METTL21C: variants seen among roughly 807,000 people sequenced by gnomAD.
METTL21C encodes the protein protein-lysine methyltransferase METTL21C.
In METTL21C, 21 loss-of-function variants were observed where a neutral mutation model predicts 25.9. The ratio of observed to expected loss-of-function variants is 0.81; its 90% CI spans 0.58 to 1.17. The LOEUF is 1.17. Ranked by LOEUF, METTL21C falls within the 50% of genes most tolerant of loss-of-function variation. The pLI is 0.00. For missense variants in METTL21C, 312 were observed against 315.1 expected (o/e 0.99, Z 0.07); for synonymous variants, 125 against 124.7 (o/e 1.00, Z -0.01).
intron 2 of METTL21C, among the ~76,000 whole-genome samples, chr13:102,689,564 G>A (rs968144992): frequency 3.2e-4 from 49 of 152,294 alleles, no homozygotes; most frequent in East Asian, 5.8e-4. Flanking sequence ...GCATCACCCC[G>A]GAATGTGTAA....
chr13:102,691,991 A>G (rs959070374), intron 1 of METTL21C, among the ~76,000 whole-genome samples: 3 of 152,152 alleles, frequency 2.0e-5, no homozygotes, highest in Non-Finnish European at 4.4e-5. Context: ...AAGGAGCAGG[A>G]GCAGAGGAAA....
intron 2 of METTL21C, among the ~76,000 whole-genome samples, chr13:102,689,229 T>C (rs1411407587): frequency 2.0e-5 from 3 of 152,304 alleles, no homozygotes; most frequent in South Asian, 4.1e-4. Flanking sequence ...ATGCCCGGCC[T>C]CTGATCTCTT....
upstream of METTL21C, among the ~76,000 whole-genome samples, chr13:102,699,912 G>A (rs1031855747): frequency 6.6e-6 from 1 of 152,194 alleles, no homozygotes; most frequent in African/African-American, 2.4e-5. Context: ...AGGCCACTTA[G>A]AACACCTGTG....
At chr13:102,686,669 T>C (rs642502) in intron 3 of METTL21C, among the ~76,000 whole-genome samples, 100,290 of 151,432 alleles carry the variant, frequency 0.66, 33,384 homozygotes, top group Middle Eastern at 0.7. Context: ...CCACCTCACC[T>C]CACCTGTGGG....
At chr13:102,700,699 C>A in the METTL21C span, among the ~76,000 whole-genome samples, 1 of 152,150 alleles carries the variant, frequency 6.6e-6, no homozygotes. Flanking sequence ...CACTTTAATC[C>A]TCAGATAAAT....
chr13:102,687,055 AGCC>A lies in METTL21C; in HGVS notation c.283-1_284del, dbSNP rs767534466. The A allele has an allele frequency of 1.6e-5, 26 of 1,610,336 alleles. No homozygotes were observed. Among genetic ancestry groups the A allele is most frequent in the Non-Finnish European group, 2.2e-5 (26 of 1,176,712 alleles). On this transcript the variant is annotated splice_acceptor_variant and coding_sequence_variant, in exon 3 of 4. Transcript: ENST00000267273. LOFTEE classifies it high-confidence loss of function. ...CCTCCAAGTATTGACACAAAGCCAT[AGCC>A]TAAAAAATAATTATAACTTTTCATG...
At position 102,685,848 on chromosome 13, in the gene METTL21C, C is replaced by T; in HGVS notation, c.*183G>A. Reference sequence around the variant, plus strand: ...GTTCTTTTTAGATATTTAGATTAACCAGATAATCTTAAATTATCTTAGAAA... The same window carrying T: ...GTTCTTTTTAGATATTTAGATTAACTAGATAATCTTAAATTATCTTAGAAA... On this transcript the variant is annotated 3_prime_UTR_variant, in exon 4 of 4. Transcript: ENST00000267273. 9.1e-6 allele frequency: 5 copies of T among 551,672 alleles called. No homozygotes were observed. Among genetic ancestry groups the T allele is most frequent in the South Asian group, 3.8e-5 (1 of 26,612 alleles). 34.2% of individuals were successfully genotyped at this position (551,672 alleles called of 1,614,324 possible). A position where few individuals can be genotyped will look rare whatever the true frequency, so the allele number is the denominator to read the frequency against.
In METTL21C at chr13:102,694,758, C is replaced by T. The variant is rs1458338889; in HGVS notation, c.-260G>A. The stretch of plus-strand genomic sequence containing the variant: ...CCCCAGTGTTTTATATAGGTCTACA[C>T]CTGAAAGGATTAGCATTTGATGAAC... On this transcript the variant is annotated 5_prime_UTR_variant, in exon 1 of 4. It adds an upstream start codon to the 5' untranslated region. Coordinates refer to ENST00000267273, the MANE Select transcript of METTL21C (RefSeq NM_001010977.3). 6.6e-6 allele frequency among the ~76,000 whole-genome samples: 1 copy of T among 151,956 alleles called. No individual in the cohort carries two copies. The highest frequency in any genetic ancestry group is 2.4e-5 in the African/African-American group (1 of 41,352).
intron 2 of METTL21C, among the ~76,000 whole-genome samples, chr13:102,688,967 G>A (rs1039865970): frequency 1.3e-5 from 2 of 152,216 alleles, no homozygotes; most frequent in Non-Finnish European, 2.9e-5. Context: ...CACTCTAGAT[G>A]CCCTTCTTGT....
At chr13:102,691,868 T>C (rs1475742973) in intron 1 of METTL21C, among the ~76,000 whole-genome samples, 1 of 152,092 alleles carries the variant, frequency 6.6e-6, no homozygotes, top group Non-Finnish European at 1.5e-5. Flanking sequence ...AGATGGCATA[T>C]AAAATGAGAG....
chr13:102,697,945 G>A (rs1439883775), upstream of METTL21C, among the ~76,000 whole-genome samples: 1 of 152,144 alleles, frequency 6.6e-6, no homozygotes, highest in African/African-American at 2.4e-5. Flanking sequence ...GAGAGCTCCG[G>A]TGGTATTTTT....
chr13:102,696,710 T>A (rs1481186204), upstream of METTL21C, among the ~76,000 whole-genome samples: 1 of 152,120 alleles, frequency 6.6e-6, no homozygotes, highest in East Asian at 1.9e-4. Flanking sequence ...AGCTTTAACA[T>A]GCGTCAACTC....
At chr13:102,696,217 A>G (rs1444130608), upstream of METTL21C, among the ~76,000 whole-genome samples, 4 of 152,164 alleles carry the variant, frequency 2.6e-5, no homozygotes, top group African/African-American at 9.7e-5. Context: ...CTTTGCAGGG[A>G]CATGGATGAA....
At chr13:102,697,484 C>G (rs1323023450), upstream of METTL21C, among the ~76,000 whole-genome samples, 1 of 152,152 alleles carries the variant, frequency 6.6e-6, no homozygotes, top group Non-Finnish European at 1.5e-5. Context: ...CACCCTGGGC[C>G]AGGCAAAGGA....
chr13:102,685,929 T>C lies in METTL21C; in HGVS notation c.*102A>G. The C allele has an allele frequency of 1.7e-6, 2 of 1,190,320 alleles. No individual in the cohort carries two copies. Among genetic ancestry groups the C allele is most frequent in the South Asian group, 1.7e-5 (1 of 60,462 alleles). The allele number at this position is 1,190,320 out of a possible 1,614,324, so 73.7% of individuals were successfully genotyped here. ...GTTCCAAGTATACAAGTTGTTTCTA[T>C]GCACTACCTTCTCAATCCTGTGAAA... On this transcript the variant is annotated 3_prime_UTR_variant, in exon 4 of 4. Coordinates refer to ENST00000267273, the MANE Select transcript of METTL21C (RefSeq NM_001010977.3).
the METTL21C span, among the ~76,000 whole-genome samples, chr13:102,703,080 T>C: frequency 6.6e-6 from 1 of 152,208 alleles, no homozygotes; most frequent in African/African-American, 2.4e-5. Flanking sequence ...AAATAAATAC[T>C]CTCATTGCAG....
At chr13:102,700,931 T>C in the METTL21C span, among the ~76,000 whole-genome samples, 1 of 151,868 alleles carries the variant, frequency 6.6e-6, no homozygotes, top group Non-Finnish European at 1.5e-5. Flanking sequence ...TGCTTGGACA[T>C]GACACTTTTG....
At chr13:102,698,374 C>A (rs1885980055), upstream of METTL21C, among the ~76,000 whole-genome samples, 1 of 152,178 alleles carries the variant, frequency 6.6e-6, no homozygotes, top group Non-Finnish European at 1.5e-5. Flanking sequence ...TCGGCCTGTT[C>A]TCTGACGCAC....
Position 102,694,377 on chromosome 13 carries a change from A to G in METTL21C, c.122T>C (p.Val41Ala). ...GAPQKDSTGG[V>A]LEESNKIEPS... Reference sequence around the variant, plus strand: ...ATGAAGAAGGAGGTTACCTTCTAGGACTCCCCCGGTGCTGTCTTTCTGCGG... The same window carrying G: ...ATGAAGAAGGAGGTTACCTTCTAGGGCTCCCCCGGTGCTGTCTTTCTGCGG... Residue 41 changes from valine (V) to alanine (A), a missense_variant, in exon 1 of 4, where the codon GTC becomes GCC. Physicochemically the swap from Val to Ala is moderately conservative, Grantham distance 64. Transcript: ENST00000267273. 6.3e-7 allele frequency: 1 copy of G among 1,595,558 alleles called. No individual in the cohort carries two copies. The highest frequency in any genetic ancestry group is 8.5e-7 in the Non-Finnish European group (1 of 1,171,826).
Sources: allele counts gnomAD v4.1 joint callset (sites outside exome capture counted in the v4.1 genomes callset), GRCh38; gene constraint gnomAD v4.1.1; transcripts MANE v1.5; gene names NCBI Gene and HGNC (gene_info 2026-07-23, HGNC 2026-07-21).